The following SLC35B3 variants were observed in gnomAD, a reference collection of about 807,000 sequenced individuals.
The protein encoded by SLC35B3 is adenosine 3'-phospho 5'-phosphosulfate transporter 2.
A neutral mutation model predicts 44.1 loss-of-function variants in SLC35B3; 35 were observed. The ratio of observed to expected loss-of-function variants is 0.79; its 90% CI spans 0.61 to 1.05. The LOEUF is 1.05. Among genes scored for constraint, SLC35B3 ranks in the 50% least tolerant of loss-of-function variants. SLC35B3 has a pLI of 0.00. For missense variants in SLC35B3, 414 were observed against 476.4 expected (o/e 0.87, Z 1.22); for synonymous variants, 146 against 167.3 (o/e 0.87, Z 0.98).
rs1365080026 is a variant in SLC35B3 at position 8,419,525 on chromosome 6, G to A, written c.780+55C>T. ...TAATAATTATTTCATCAAATTACGT[G>A]TATCACCATTTTTTAAATCTGTCTA... On this transcript the variant is annotated intron_variant, in intron 7 of 10. Coordinates refer to ENST00000644923, the MANE Select transcript of SLC35B3 (RefSeq NM_001370476.2). The surrounding 1 kb of genome is among the most constrained non-coding windows in gnomAD (Gnocchi z 4.3). 6.9e-6 allele frequency: 6 copies of A among 872,810 alleles called. No individual in the cohort carries two copies. Among genetic ancestry groups the A allele is most frequent in the African/African-American group, 3.4e-5 (2 of 58,070 alleles). 54.1% of individuals were successfully genotyped at this position (872,810 alleles called of 1,614,324 possible).
At chr6:8,426,037 A>C (rs1763379517) in intron 4 of SLC35B3, among the ~76,000 whole-genome samples, 1 of 152,180 alleles carries the variant, frequency 6.6e-6, no homozygotes. Flanking sequence ...TGTTTCTCTA[A>C]TGCTTAAGAA....
rs199599350 is a variant in SLC35B3, at chr6:8,417,487, T to C, written c.788A>G (p.Tyr263Cys). 6.3e-7 allele frequency: 1 copy of C among 1,579,982 alleles called. No individual in the cohort carries two copies. Among genetic ancestry groups the C allele is most frequent in the African/African-American group, 1.4e-5 (1 of 73,654 alleles). The change falls in exon 8 of 11, where the codon TAT becomes TGT. Residue 263 changes from tyrosine (Y) to cysteine (C), a missense_variant. Coordinates refer to ENST00000644923, the MANE Select transcript of SLC35B3 (RefSeq NM_001370476.2). Reference sequence around the variant, plus strand: ...GTATACAAAACCAATTGAATACGAATACAATACCTAGAGCAGATAAAAATA... The same window carrying C: ...GTATACAAAACCAATTGAATACGAACACAATACCTAGAGCAGATAAAAATA...
At chr6:8,430,746 A>T (rs1201631685) in intron 2 of SLC35B3, among the ~76,000 whole-genome samples, 2 of 149,974 alleles carry the variant, frequency 1.3e-5, no homozygotes, top group Non-Finnish European at 2.9e-5. Context: ...TAAAATAAAA[A>T]AATTAGCTGG....
At position 8,416,875 on chromosome 6, in the gene SLC35B3, C is replaced by A. The variant is rs1361019435; in HGVS notation, c.985+9G>T. ...TATTTTATAATCAAAGCAAGTAAATCCCTCCTACCTGTTACAGCAATAAGT... is the reference window on the plus strand; with the variant it reads ...TATTTTATAATCAAAGCAAGTAAATACCTCCTACCTGTTACAGCAATAAGT... On this transcript the variant is annotated intron_variant, in intron 9 of 10. Transcript: ENST00000644923. The A allele has an allele frequency of 7.2e-7, 1 of 1,380,720 alleles. No homozygotes were observed. Among genetic ancestry groups the A allele is most frequent in the Non-Finnish European group, 1.0e-6 (1 of 998,354 alleles). 85.5% of individuals were successfully genotyped at this position (1,380,720 alleles called of 1,614,324 possible). A position where few individuals can be genotyped will look rare whatever the true frequency, so the allele number is the denominator to read the frequency against.
Position 8,413,384 on chromosome 6 carries a change from T to C in SLC35B3, c.*165A>G. On this transcript the variant is annotated 3_prime_UTR_variant, in exon 11 of 11. Coordinates refer to ENST00000644923, the MANE Select transcript of SLC35B3 (RefSeq NM_001370476.2). ...TTGCTTTGGAAGTCAGTCAAACAAA[T>C]GCTCTGAAGAAAAGGCTGACACCGC... The C allele has an allele frequency of 1.8e-6, 1 of 548,306 alleles. No individual in the cohort carries two copies. The highest frequency in any genetic ancestry group is 2.9e-5 in the South Asian group (1 of 34,766). 34.0% of individuals were successfully genotyped at this position (548,306 alleles called of 1,614,324 possible).
At chr6:8,427,867 A>G (rs757050041) in intron 4 of SLC35B3, 70 bp downstream of exon 3, 67 of 1,358,576 alleles carry the variant, frequency 4.9e-5, no homozygotes, top group Non-Finnish European at 6.5e-5. Context: ...TATAAATTTC[A>G]TGCATATTCA....
intron 5 of SLC35B3, among the ~76,000 whole-genome samples, 174 bp downstream of exon 4, chr6:8,422,296 C>A (rs919737826): frequency 1.6e-4 from 25 of 152,246 alleles, no homozygotes; most frequent in African/African-American, 4.8e-4. Context: ...AGCCACTGTG[C>A]CTGGCCATCA....
At chr6:8,430,207 CTCCAAATAATAT>C in intron 2 of SLC35B3, 50 bp from the exon 2 acceptor site, 1 of 1,425,800 alleles carries the variant, frequency 7.0e-7, no homozygotes, top group Non-Finnish European at 9.4e-7. Flanking sequence ...AAGTTTAATC[CTCCAAATAATAT>C]TCCAAATCAT....
At position 8,427,929 on chromosome 6, in the gene SLC35B3, C is replaced by G. The variant is rs767875509; in HGVS notation, c.419+8G>C. 1 of 1,603,832 alleles carries G rather than the reference C, an allele frequency of 6.2e-7. No individual in the cohort carries two copies. The highest frequency in any genetic ancestry group is 1.7e-5 in the Admixed American group (1 of 58,320). ...AGAAATATCAAAAAATAAAAACAAA[C>G]CACATACCTCCTCCTTTTGTCCTGA... On this transcript the variant is annotated splice_region_variant and intron_variant, in intron 4 of 10. Transcript: ENST00000644923.
In SLC35B3 at chr6:8,434,384, C is replaced by A; in HGVS notation, c.3+1G>T. The A allele has an allele frequency of 6.2e-7, 1 of 1,612,608 alleles. No homozygotes were observed. Among genetic ancestry groups the A allele is most frequent in the Non-Finnish European group, 8.5e-7 (1 of 1,179,024 alleles). ...CAACGTTACAAATAAAAGAATCTTA[C>A]CATGCCATTATGCCTTGATTAACTG... is the stretch of plus-strand genomic sequence containing the variant. On this transcript the variant is annotated splice_donor_variant, in intron 2 of 10. Coordinates refer to ENST00000644923, the MANE Select transcript of SLC35B3 (RefSeq NM_001370476.2). LOFTEE classifies it high-confidence loss of function. This position sits in a 1 kb window ranked among gnomAD's most constrained non-coding sequence, Gnocchi z 6.3.
chr6:8,415,068 T>C (rs1260673101), intron 9 of SLC35B3, 91 bp from the exon 9 acceptor site: 2 of 776,504 alleles, frequency 2.6e-6, no homozygotes, highest in African/African-American at 3.5e-5. Flanking sequence ...GACCTGACTA[T>C]ATGCCAGAAT....
rs1764318502 is a variant in SLC35B3, at chr6:8,434,694, A to G, written c.-43-264T>C. On this transcript the variant is annotated intron_variant, in intron 1 of 10. Coordinates refer to ENST00000644923, the MANE Select transcript of SLC35B3 (RefSeq NM_001370476.2). The surrounding 1 kb of genome is among the most constrained non-coding windows in gnomAD (Gnocchi z 6.3). The stretch of plus-strand genomic sequence containing the variant: ...TAGAAAAACGTTTAATCAAAAAACA[A>G]TTCTAGGCTTCTGATATCCTAATGT... Among the ~76,000 whole-genome samples, 1 of 152,222 alleles carries G rather than the reference A, an allele frequency of 6.6e-6. No homozygotes were observed. Among genetic ancestry groups the G allele is most frequent in the African/African-American group, 2.4e-5 (1 of 41,462 alleles).
At chr6:8,425,792 G>GAT (rs1233414000) in intron 4 of SLC35B3, among the ~76,000 whole-genome samples, 1 of 152,054 alleles carries the variant, frequency 6.6e-6, no homozygotes, top group Non-Finnish European at 1.5e-5. Context: ...ATAGATACAC[G>GAT]ATATATACAC....
At chr6:8,423,953 T>C (rs1406912890) in intron 4 of SLC35B3, among the ~76,000 whole-genome samples, 1 of 152,010 alleles carries the variant, frequency 6.6e-6, no homozygotes, top group Non-Finnish European at 1.5e-5. Context: ...CAAGTCAAGG[T>C]GGTCAGATTT....
intron 4 of SLC35B3, among the ~76,000 whole-genome samples, chr6:8,427,012 C>A (rs933885121): frequency 5.9e-5 from 9 of 152,126 alleles, no homozygotes; most frequent in African/African-American, 2.2e-4. Flanking sequence ...CCCTAGAGAT[C>A]TATGGAACTT....
chr6:8,429,768 C>G (rs1463268898), intron 3 of SLC35B3, 96 bp downstream of exon 2: 2 of 830,508 alleles, frequency 2.4e-6, no homozygotes, highest in Non-Finnish European at 3.7e-6. Flanking sequence ...CAGCCAGTAT[C>G]CCCTAAGTGA....
rs1171854322 is a variant in SLC35B3, at chr6:8,420,823, G to A, written c.580C>T (p.Arg194Cys). The change falls in exon 6 of 11, where the codon CGT (arginine) becomes TGT (cysteine). Residue 194 changes from arginine to cysteine, a missense_variant. Coordinates refer to ENST00000644923, the MANE Select transcript of SLC35B3 (RefSeq NM_001370476.2). The surrounding 1 kb of genome is among the most constrained non-coding windows in gnomAD (Gnocchi z 4.4). ...GCAGACACATCTGCAACATTATAAC[G>A]CTTTCCTGTATAAAACAAACGTAAG... The A allele has an allele frequency of 5.6e-6, 9 of 1,608,908 alleles. No homozygotes were observed. The highest frequency in any genetic ancestry group is 1.1e-5 in the South Asian group (1 of 90,402).
At chr6:8,423,200 A>T (rs1360342775) in intron 4 of SLC35B3, among the ~76,000 whole-genome samples, 2 of 152,158 alleles carry the variant, frequency 1.3e-5, no homozygotes, top group Non-Finnish European at 2.9e-5. Context: ...TTTTAAAACT[A>T]ATTTTTAACT....
chr6:8,424,508 C>A (rs1270342916), intron 4 of SLC35B3, among the ~76,000 whole-genome samples: 1 of 152,174 alleles, frequency 6.6e-6, no homozygotes, highest in African/African-American at 2.4e-5. Context: ...GATCAACCTG[C>A]CTCGGCCTCC....
Sources: allele counts gnomAD v4.1 joint callset (sites outside exome capture counted in the v4.1 genomes callset), GRCh38; gene constraint gnomAD v4.1.1; non-coding constraint Gnocchi (gnomAD v3.1); transcripts MANE v1.5; gene names NCBI Gene and HGNC (gene_info 2026-07-23, HGNC 2026-07-21).